CUL1: variants seen among roughly 807,000 people sequenced by gnomAD.
The protein encoded by CUL1 is cullin-1.
A neutral mutation model predicts 118.0 loss-of-function variants in CUL1; 24 were observed. The ratio of observed to expected loss-of-function variants is 0.20; its 90% CI spans 0.15 to 0.29. The LOEUF (loss-of-function observed/expected upper bound fraction) is 0.29, where lower values mean the gene tolerates loss of function less well. Ranked by LOEUF, CUL1 falls within the 10% of genes least tolerant of loss-of-function variation. The probability of loss-of-function intolerance (pLI) is 1.00; values close to 1 mark genes in which losing one functional copy is unlikely to be tolerated. For synonymous variants in CUL1, 332 were observed against 340.4 expected, an observed-to-expected ratio of 0.98 and a Z score of 0.27; for missense variants, 361 against 933.8, an observed-to-expected ratio of 0.39 and a Z score of 7.99.
intron 7 of CUL1, among the ~76,000 whole-genome samples, chr7:148,760,848 T>C (rs898455590): frequency 6.6e-6 from 1 of 152,240 alleles, no homozygotes; most frequent in Admixed American, 6.5e-5. Context: ...CAAACTTTAA[T>C]TTTTTGCTTC....
intron 1 of CUL1, among the ~76,000 whole-genome samples, chr7:148,707,424 GACAAC>G (rs1255908936): frequency 6.6e-6 from 1 of 152,130 alleles, no homozygotes; most frequent in Non-Finnish European, 1.5e-5. Flanking sequence ...GCATATGGGA[GACAAC>G]ACAATCAAAG....
intron 4 of CUL1, among the ~76,000 whole-genome samples, chr7:148,758,687 C>T (rs769823131): frequency 6.6e-6 from 1 of 152,208 alleles, no homozygotes. Context: ...GCTCCAGTTT[C>T]TATACCAAAA....
chr7:148,782,422 CTG>C (rs1465871161), intron 9 of CUL1, among the ~76,000 whole-genome samples: 6 of 152,148 alleles, frequency 3.9e-5, no homozygotes, highest in African/African-American at 1.4e-4. Context: ...AGTTCACGCT[CTG>C]TGTGTTTTAA....
chr7:148,784,190 T>A lies in CUL1; in HGVS notation c.1298+113T>A. 3.5e-6 allele frequency: 3 copies of A among 847,050 alleles called. No homozygotes were observed. The South Asian group carries it at 4.8e-5, about 14-fold the overall frequency. The allele number at this position is 847,050 out of a possible 1,614,324, so 52.5% of individuals were successfully genotyped here. A position where few individuals can be genotyped will look rare whatever the true frequency, so the allele number is the denominator to read the frequency against. Reference sequence around the variant, plus strand: ...TACATTAAATTGGAATTTTTGTACCTTATGAGAAAAATGCTTAAACATAAT... The same window carrying A: ...TACATTAAATTGGAATTTTTGTACCATATGAGAAAAATGCTTAAACATAAT... On this transcript the variant is annotated intron_variant, in intron 11 of 21. Transcript: ENST00000325222.
intron 1 of CUL1, among the ~76,000 whole-genome samples, chr7:148,724,104 A>G (rs1435937509): frequency 6.6e-6 from 1 of 152,188 alleles, no homozygotes; most frequent in African/African-American, 2.4e-5. Flanking sequence ...CCCTTCCAGT[A>G]TGTATGGATG....
At chr7:148,768,640 C>T (rs1325782812) in intron 9 of CUL1, among the ~76,000 whole-genome samples, 2 of 152,030 alleles carry the variant, frequency 1.3e-5, no homozygotes, top group East Asian at 1.9e-4. Context: ...CCGCCTTGGC[C>T]TCCCAAAGTG....
intron 2 of CUL1, among the ~76,000 whole-genome samples, chr7:148,746,714 G>C (rs1309929849): frequency 2.6e-5 from 4 of 152,168 alleles, no homozygotes; most frequent in Non-Finnish European, 5.9e-5. Flanking sequence ...ATCTGTTTAA[G>C]TCTAAAACAG....
intron 16 of CUL1, among the ~76,000 whole-genome samples, chr7:148,792,351 G>A (rs1338518121): frequency 2.0e-5 from 3 of 152,150 alleles, no homozygotes; most frequent in African/African-American, 4.8e-5. Context: ...CTTAGCTCAT[G>A]TGCCAAAAAC....
At chr7:148,725,749 A>T (rs1016467237) in intron 1 of CUL1, among the ~76,000 whole-genome samples, 1 of 152,210 alleles carries the variant, frequency 6.6e-6, no homozygotes, top group Admixed American at 6.5e-5. Context: ...ATTTCCTTGT[A>T]GACGTTGTTT....
chr7:148,713,144 GT>G (rs1166831459), intron 1 of CUL1, among the ~76,000 whole-genome samples: 1 of 151,872 alleles, frequency 6.6e-6, no homozygotes, highest in Non-Finnish European at 1.5e-5. Context: ...ATGTAATACC[GT>G]TTTTTCTTGC....
intron 2 of CUL1, among the ~76,000 whole-genome samples, chr7:148,735,366 T>C (rs1189543149): frequency 6.6e-6 from 1 of 152,266 alleles, no homozygotes; most frequent in African/African-American, 2.4e-5. Context: ...AGTCCCGTCT[T>C]GGCTGCCGCC....
At chr7:148,752,669 G>T (rs954537922) in intron 2 of CUL1, among the ~76,000 whole-genome samples, 1 of 151,862 alleles carries the variant, frequency 6.6e-6, no homozygotes. Flanking sequence ...TATTTTTTGA[G>T]ACAGAGTCTT....
At chr7:148,788,203 A>G (rs925611698) in intron 13 of CUL1, among the ~76,000 whole-genome samples, 3 of 152,200 alleles carry the variant, frequency 2.0e-5, no homozygotes, top group East Asian at 3.9e-4. Context: ...TTGGGCTTCA[A>G]CATAGGGATT....
intron 2 of CUL1, among the ~76,000 whole-genome samples, chr7:148,738,888 T>A (rs1799048285): frequency 6.6e-6 from 1 of 152,230 alleles, no homozygotes; most frequent in African/African-American, 2.4e-5. Context: ...TCTACTCTTC[T>A]AAAGTAAATG....
In CUL1 at chr7:148,742,598, G is replaced by GTTTTTTTT. The variant is rs59592789; in HGVS notation, c.141-11367_141-11360dup. 9.6e-4 allele frequency among the ~76,000 whole-genome samples: 108 copies of GTTTTTTTT among 112,158 alleles called. 9 individuals are homozygous for GTTTTTTTT. Among genetic ancestry groups the GTTTTTTTT allele is most frequent in the South Asian group, 4.9e-3 (14 of 2,862 alleles). The allele number at this position is 112,158 out of a possible 152,430, so 73.6% of individuals were successfully genotyped here. On this transcript the variant is annotated intron_variant, in intron 2 of 21. Coordinates refer to ENST00000325222, the MANE Select transcript of CUL1 (RefSeq NM_003592.3). ...TTCTTAAATCTTTCTACCTTTTCTG[G>GTTTTTTTT]TTTTTTTTTTTTTTTTTTGAGTTGG... is the stretch of plus-strand genomic sequence containing the variant.
At chr7:148,729,534 G>A (rs1798688241) in intron 1 of CUL1, among the ~76,000 whole-genome samples, 1 of 152,168 alleles carries the variant, frequency 6.6e-6, no homozygotes, top group African/African-American at 2.4e-5. Context: ...TAAGTGAAGA[G>A]CTACTAAAAG....
At chr7:148,792,522 AAATG>A (rs1341364826) in intron 16 of CUL1, among the ~76,000 whole-genome samples, 200 bp from the exon 17 acceptor site, 2 of 152,270 alleles carry the variant, frequency 1.3e-5, no homozygotes, top group Non-Finnish European at 2.9e-5. Context: ...TAAACATGGA[AAATG>A]AATGACTTTG....
rs542746511 is a variant in CUL1 at position 148,787,319 on chromosome 7, G to A, written c.1479+199G>A. On this transcript the variant is annotated intron_variant, in intron 13 of 21. Coordinates refer to ENST00000325222, the MANE Select transcript of CUL1 (RefSeq NM_003592.3). This position sits in a 1 kb window ranked among gnomAD's most constrained non-coding sequence, Gnocchi z 5.5. ...CTGCTAAAAATACAAAACATTAGCC[G>A]GGCATGGTGGTGGGCGCCTGTAGTC... 5.3e-5 allele frequency among the ~76,000 whole-genome samples: 8 copies of A among 152,132 alleles called. No individual in the cohort carries two copies. Among genetic ancestry groups the A allele is most frequent in the African/African-American group, 1.7e-4 (7 of 41,494 alleles).
chr7:148,736,576 T>C (rs1243715601), intron 2 of CUL1, among the ~76,000 whole-genome samples: 1 of 152,214 alleles, frequency 6.6e-6, no homozygotes, highest in East Asian at 1.9e-4. Context: ...GTTGTGGGGT[T>C]ATAGGCATGA....
Sources: allele counts gnomAD v4.1 joint callset (sites outside exome capture counted in the v4.1 genomes callset), GRCh38; gene constraint gnomAD v4.1.1; non-coding constraint Gnocchi (gnomAD v3.1); transcripts MANE v1.5; gene names NCBI Gene and HGNC (gene_info 2026-07-23, HGNC 2026-07-21).